Variants in HNF4A observed in about 807,000 individuals in gnomAD.
HNF4A encodes the protein hepatocyte nuclear factor 4 alpha.
Under a neutral mutation model 52.4 loss-of-function variants are expected in HNF4A, and 15 were observed. The ratio of observed to expected loss-of-function variants is 0.29; its 90% CI spans 0.19 to 0.44. The LOEUF (loss-of-function observed/expected upper bound fraction) is 0.44, where lower values mean the gene tolerates loss of function less well. Among genes scored for constraint, HNF4A ranks in the 20% least tolerant of loss-of-function variants. The pLI is 1.00. For synonymous variants in HNF4A, 280 were observed against 264.4 expected (o/e 1.06, Z -0.57); for missense variants, 479 against 647.2 (o/e 0.74, Z 2.82).
intron 1 of HNF4A, among the ~76,000 whole-genome samples, chr20:44,374,669 A>G (rs1309071814): frequency 6.6e-6 from 1 of 152,112 alleles, no homozygotes; most frequent in Admixed American, 6.6e-5. Context: ...TTACCATGTT[A>G]GCCAGGTTGG....
rs149151973 is a variant in HNF4A, at chr20:44,405,268, C to CAAAATTTTT, written c.116-787_116-786insATTTTTAAA. Among the ~76,000 whole-genome samples the CAAAATTTTT allele has an allele frequency of 2.8e-4, 42 of 151,340 alleles. No individual in the cohort carries two copies. The East Asian group carries it at 8.0e-3, about 29-fold the overall frequency. ...GCTGCTATTTTTTTAAATTTGGAAA[C>CAAAATTTTT]AAATTTTTTAAATTTTTTAAATTTT... On this transcript the variant is annotated intron_variant, in intron 1 of 9. Coordinates refer to ENST00000316099, the MANE Select transcript of HNF4A (RefSeq NM_000457.6).
In HNF4A at chr20:44,419,716, T is replaced by C; in HGVS notation, c.737-5T>C. On this transcript the variant is annotated splice_region_variant and splice_polypyrimidine_tract_variant and intron_variant, in intron 6 of 9. Coordinates refer to ENST00000316099, the MANE Select transcript of HNF4A (RefSeq NM_000457.6). ...CCCATCCTCCCTCCCTCCCAACCCT[T>C]CCAGGCAATGACTACATTGTCCCTC... is the stretch of plus-strand genomic sequence containing the variant. 1 of 1,613,482 alleles carries C rather than the reference T, an allele frequency of 6.2e-7. No homozygotes were observed.
intron 1 of HNF4A, among the ~76,000 whole-genome samples, chr20:44,388,382 C>T (rs6031581): frequency 1.8e-5 from 2 of 114,132 alleles, no homozygotes; most frequent in African/African-American, 9.4e-5. Context: ...ACCCCCCCCA[C>T]CCCCGTACAT....
intron 1 of HNF4A, 134 bp from the exon 2 acceptor site, chr20:44,405,924 T>G: frequency 1.2e-6 from 1 of 834,070 alleles, no homozygotes; most frequent in Non-Finnish European, 2.1e-6. Flanking sequence ...GGTCACTGAG[T>G]GGGGAGGTGA....
chr20:44,357,951 G>A (rs887491175), intron 1 of HNF4A, among the ~76,000 whole-genome samples: 3 of 151,592 alleles, frequency 2.0e-5, no homozygotes, highest in Non-Finnish European at 4.4e-5. Context: ...ACAGAGAAAG[G>A]AGAACTCCAG....
upstream of HNF4A, among the ~76,000 whole-genome samples, chr20:44,396,910 C>T (rs148753391): frequency 8.7e-3 from 1,331 of 152,258 alleles, 22 homozygotes; most frequent in African/African-American, 0.03. Flanking sequence ...GTTTATTCCC[C>T]TAAAGAGAGG....
rs1222115658 is a variant in HNF4A, at chr20:44,407,667, T to A, written c.385+192T>A. On this transcript the variant is annotated intron_variant, in intron 3 of 9. Coordinates refer to ENST00000316099, the MANE Select transcript of HNF4A (RefSeq NM_000457.6). The stretch of plus-strand genomic sequence containing the variant: ...GGCTGGGCTTGGTCTTGAGAAAGAT[T>A]CAGAGAGATAAGCTCCCACTCTTGG... Among the ~76,000 whole-genome samples the A allele has an allele frequency of 2.0e-5, 3 of 151,746 alleles. No individual in the cohort carries two copies. In the East Asian group the frequency reaches 5.8e-4, roughly 29 times the overall value.
downstream of HNF4A, chr20:44,434,084 G>A (rs1367660358): frequency 6.6e-6 from 1 of 152,208 alleles, no homozygotes; most frequent in Non-Finnish European, 1.5e-5. Flanking sequence ...TCCTCCTTGG[G>A]GATGAGGGTA....
chr20:44,411,020 G>A (rs1016977047), intron 3 of HNF4A, among the ~76,000 whole-genome samples: 1 of 152,174 alleles, frequency 6.6e-6, no homozygotes, highest in African/African-American at 2.4e-5. Flanking sequence ...GGGTCAGTGG[G>A]CCAACAGCAG....
upstream of HNF4A, chr20:44,401,209 C>G (rs950711698): frequency 6.7e-7 from 1 of 1,503,370 alleles, no homozygotes; most frequent in African/African-American, 1.4e-5. Context: ...GCCTCCACCC[C>G]TTCACAGAGG....
intron 1 of HNF4A, chr20:44,402,581 T>C (rs767705804): frequency 7.3e-7 from 1 of 1,365,968 alleles, no homozygotes; most frequent in Non-Finnish European, 9.8e-7. Flanking sequence ...TCTCGCCAGA[T>C]TGAGGCATCC....
rs1304352106 is a variant in HNF4A at position 44,429,678 on chromosome 20, G to A, written c.*13G>A. On this transcript the variant is annotated 3_prime_UTR_variant, in exon 10 of 10. Coordinates refer to ENST00000316099, the MANE Select transcript of HNF4A (RefSeq NM_000457.6). ...GGAAGTTATCTAGCAAGCCGCTGGG[G>A]CTTGGGGGCTCCACTGGCTCCCCCC... 6.8e-6 allele frequency: 11 copies of A among 1,613,866 alleles called. No homozygotes were observed. Among genetic ancestry groups the A allele is most frequent in the Non-Finnish European group, 7.6e-6 (9 of 1,179,954 alleles).
At chr20:44,398,990 A>G (rs954156816), upstream of HNF4A, among the ~76,000 whole-genome samples, 1 of 152,236 alleles carries the variant, frequency 6.6e-6, no homozygotes. Flanking sequence ...GTGGCCTGCC[A>G]TAGGTGCCAG....
chr20:44,399,610 T>A (rs1300061683), upstream of HNF4A, among the ~76,000 whole-genome samples: 5 of 152,132 alleles, frequency 3.3e-5, no homozygotes, highest in Non-Finnish European at 5.9e-5. Context: ...CCCGATTTGC[T>A]CACTCATTAA....
At chr20:44,396,444 G>A (rs1313378910), upstream of HNF4A, among the ~76,000 whole-genome samples, 2 of 152,108 alleles carry the variant, frequency 1.3e-5, no homozygotes, top group African/African-American at 4.8e-5. Context: ...CCAACTGCAG[G>A]TTGCCCAGGG....
intron 1 of HNF4A, among the ~76,000 whole-genome samples, chr20:44,363,394 A>G (rs1245316374): frequency 6.6e-6 from 1 of 152,192 alleles, no homozygotes; most frequent in Non-Finnish European, 1.5e-5. Context: ...TGGCTGTTGT[A>G]GAAACAACAG....
intron 6 of HNF4A, 43 bp from the exon 7 acceptor site, chr20:44,419,677 AC>A: frequency 6.2e-7 from 1 of 1,605,200 alleles, no homozygotes; most frequent in South Asian, 1.1e-5. Flanking sequence ...AGAGGGGTCA[AC>A]CCAAGGTGAC....
At chr20:44,381,817 G>T (rs1054758745) in intron 1 of HNF4A, among the ~76,000 whole-genome samples, 1 of 152,066 alleles carries the variant, frequency 6.6e-6, no homozygotes, top group African/African-American at 2.4e-5. Flanking sequence ...CACCATGTTG[G>T]TCAGGCTGGT....
intron 1 of HNF4A, among the ~76,000 whole-genome samples, chr20:44,377,328 T>A (rs972764918): frequency 5.3e-5 from 8 of 152,290 alleles, no homozygotes; most frequent in Non-Finnish European, 8.8e-5. Context: ...AACTACCTAT[T>A]GGGTACCATG....
Sources: gnomAD v4.1 joint callset for allele counts (sites outside exome capture counted in the v4.1 genomes callset) on GRCh38, gnomAD v4.1.1 for gene constraint, MANE v1.5 for transcripts, NCBI Gene and HGNC (gene_info 2026-07-23, HGNC 2026-07-21) for gene names.